Variants in CREBRF observed in about 807,000 individuals in gnomAD.
CREBRF encodes the protein CREB3 regulatory factor.
A neutral mutation model predicts 66.1 loss-of-function variants in CREBRF; 5 were observed. That is an observed-to-expected ratio of 0.08 (90% CI 0.04 to 0.16). The LOEUF is 0.16. Among genes scored for constraint, CREBRF ranks in the 10% least tolerant of loss-of-function variants. The pLI is 1.00. For missense variants in CREBRF, 531 were observed against 744.9 expected (o/e 0.71, Z 3.34); for synonymous variants, 229 against 264.4 (o/e 0.87, Z 1.30).
intron 4 of CREBRF, among the ~76,000 whole-genome samples, chr5:173,104,844 T>A (rs1758712602): frequency 6.6e-6 from 1 of 152,192 alleles, no homozygotes. Context: ...TAAATACTTC[T>A]GGGAAAAAGG....
intron 6 of CREBRF, 136 bp from the exon 7 acceptor site, chr5:173,112,170 A>G (rs1758885626): frequency 1.9e-6 from 1 of 516,840 alleles, no homozygotes; most frequent in East Asian, 3.4e-5. Flanking sequence ...TTAGGAGGCC[A>G]AAAAGGGAGG....
chr5:173,063,469 G>A (rs1286514767), intron 1 of CREBRF, among the ~76,000 whole-genome samples: 1 of 151,970 alleles, frequency 6.6e-6, no homozygotes, highest in East Asian at 1.9e-4. Context: ...CTGGGTTCAA[G>A]CGATTTTCCT....
intron 4 of CREBRF, among the ~76,000 whole-genome samples, chr5:173,101,800 C>T (rs889826601): frequency 1.2e-4 from 18 of 152,020 alleles, no homozygotes; most frequent in African/African-American, 3.6e-4. Context: ...TCTGCCCCAT[C>T]GGCCTCCCAA....
intron 4 of CREBRF, among the ~76,000 whole-genome samples, chr5:173,095,436 G>A (rs945354423): frequency 1.3e-5 from 2 of 151,996 alleles, no homozygotes; most frequent in Admixed American, 1.3e-4. Flanking sequence ...TGATCTGCCA[G>A]CCTCGGCCTC....
At chr5:173,082,586 CAA>C (rs574806715) in intron 2 of CREBRF, among the ~76,000 whole-genome samples, 1 of 130,204 alleles carries the variant, frequency 7.7e-6, no homozygotes, top group Non-Finnish European at 1.6e-5. Flanking sequence ...CAGAAACTTG[CAA>C]AAAAAAAAAA....
At chr5:173,086,291 ATTT>A in intron 2 of CREBRF, 1 of 640,678 alleles carries the variant, frequency 1.6e-6, no homozygotes, top group South Asian at 1.9e-5. Context: ...GCAGCACTCT[ATTT>A]TTTCTATTTT....
At chr5:173,114,316 C>T (rs544113341) in intron 7 of CREBRF, among the ~76,000 whole-genome samples, 4 of 152,104 alleles carry the variant, frequency 2.6e-5, no homozygotes, top group South Asian at 4.2e-4. Flanking sequence ...GTGCCCTGGC[C>T]GCCTCCTAGA....
chr5:173,107,259 A>G (rs965521574), intron 4 of CREBRF, among the ~76,000 whole-genome samples: 33 of 152,192 alleles, frequency 2.2e-4, no homozygotes, highest in African/African-American at 8.0e-4. Flanking sequence ...CTTATGGCCA[A>G]TGCTGCCCAA....
intron 7 of CREBRF, among the ~76,000 whole-genome samples, chr5:173,113,091 C>T (rs1385355529): frequency 2.0e-5 from 3 of 152,130 alleles, no homozygotes; most frequent in Non-Finnish European, 2.9e-5. Flanking sequence ...CTTCTGGGCT[C>T]AGGTGATCCT....
intron 2 of CREBRF, chr5:173,085,678 A>G: frequency 2.9e-6 from 2 of 685,970 alleles, no homozygotes; most frequent in East Asian, 2.6e-5. Context: ...GAGCCTCCCA[A>G]AGTGCTGGGA....
Position 173,090,259 on chromosome 5 carries a change from G to A in CREBRF, c.136-56G>A. 3 of 1,390,588 alleles carry A rather than the reference G, an allele frequency of 2.2e-6. No homozygotes were observed. The highest frequency in any genetic ancestry group is 3.0e-6 in the Non-Finnish European group (3 of 1,012,162). The allele number at this position is 1,390,588 out of a possible 1,614,324, so 86.1% of individuals were successfully genotyped here. A position where few individuals can be genotyped will look rare whatever the true frequency, so the allele number is the denominator to read the frequency against. On this transcript the variant is annotated intron_variant, in intron 3 of 8. Coordinates refer to ENST00000296953, the MANE Select transcript of CREBRF (RefSeq NM_153607.3). This position sits in a 1 kb window ranked among gnomAD's most constrained non-coding sequence, Gnocchi z 4.5. ...TGATTTATCAGTTTGACATATGGAG[G>A]TGAATATTTCCTTCTGAAATATGAT... is the stretch of plus-strand genomic sequence containing the variant.
At chr5:173,066,808 CTTTTTTTTTTTTTT>C (rs34093582) in intron 1 of CREBRF, among the ~76,000 whole-genome samples, 1 of 63,032 alleles carries the variant, frequency 1.6e-5, no homozygotes, top group Non-Finnish European at 2.8e-5. Flanking sequence ...TTCATTGAAT[CTTTTTTTTTTTTTT>C]TTTTTTTTTT....
chr5:173,103,699 T>A (rs530883146), intron 4 of CREBRF, among the ~76,000 whole-genome samples: 3 of 152,340 alleles, frequency 2.0e-5, no homozygotes, highest in Non-Finnish European at 4.4e-5. Flanking sequence ...TAATAGAGCC[T>A]TTTCTGTGGA....
chr5:173,134,260 A>T lies in CREBRF; in HGVS notation c.*515A>T, dbSNP rs1234299840. 1 of 141,876 alleles carries T rather than the reference A, an allele frequency of 7.0e-6. No individual in the cohort carries two copies. Among genetic ancestry groups the T allele is most frequent in the African/African-American group, 2.7e-5 (1 of 36,738 alleles). The allele number at this position is 141,876 out of a possible 1,614,324, so 8.8% of individuals were successfully genotyped here. The stretch of plus-strand genomic sequence containing the variant: ...TCATTGTCAGAGCTCAAGATGATAT[A>T]TATAAATATATATATATATATATAT... On this transcript the variant is annotated 3_prime_UTR_variant, in exon 9 of 9. Transcript: ENST00000296953.
At chr5:173,099,519 TATTC>T (rs1225992609) in intron 4 of CREBRF, among the ~76,000 whole-genome samples, 2 of 152,238 alleles carry the variant, frequency 1.3e-5, no homozygotes, top group African/African-American at 4.8e-5. Flanking sequence ...CTTGGTTTTC[TATTC>T]ATTCAGCCAC....
At chr5:173,073,294 AG>A (rs1757650164) in intron 1 of CREBRF, among the ~76,000 whole-genome samples, 1 of 152,246 alleles carries the variant, frequency 6.6e-6, no homozygotes, top group African/African-American at 2.4e-5. Flanking sequence ...AGGGTTGGAC[AG>A]GGACTGGGGG....
intron 4 of CREBRF, among the ~76,000 whole-genome samples, chr5:173,107,299 T>C (rs1002040580): frequency 1.3e-5 from 2 of 152,220 alleles, no homozygotes; most frequent in Non-Finnish European, 2.9e-5. Context: ...GTTTGGATTG[T>C]GTACATTCTT....
rs1757042036 is a variant in CREBRF, at chr5:173,056,442, A to C, written c.-229A>C. ...AGAGGGGCCGTGGCCCCTGCAGCGG[A>C]ACCGGACCCAGTCCCTGAGCCGCCC... On this transcript the variant is annotated 5_prime_UTR_variant, in exon 1 of 9. Transcript: ENST00000296953. 2.5e-6 allele frequency: 1 copy of C among 398,328 alleles called. No homozygotes were observed. The highest frequency in any genetic ancestry group is 4.4e-6 in the Non-Finnish European group (1 of 225,978). The allele number at this position is 398,328 out of a possible 1,614,324, so 24.7% of individuals were successfully genotyped here. A position where few individuals can be genotyped will look rare whatever the true frequency, so the allele number is the denominator to read the frequency against.
intron 1 of CREBRF, among the ~76,000 whole-genome samples, chr5:173,062,716 C>G (rs1230777003): frequency 7.5e-6 from 1 of 133,504 alleles, no homozygotes. Context: ...ATAGTAGGGT[C>G]TTTTTTTAAG....
Sources: gnomAD v4.1 joint callset for allele counts (sites outside exome capture counted in the v4.1 genomes callset) on GRCh38, gnomAD v4.1.1 for gene constraint, Gnocchi (gnomAD v3.1) non-coding constraint, MANE v1.5 for transcripts, NCBI Gene and HGNC (gene_info 2026-07-23, HGNC 2026-07-21) for gene names.